NHLH1: variants seen among roughly 807,000 people sequenced by gnomAD.
NHLH1 encodes the protein helix-loop-helix protein 1.
NHLH1 carries 3 observed loss-of-function variants against 6.7 expected under a neutral mutation model. That is an observed-to-expected ratio of 0.44 (90% CI 0.20 to 1.15). NHLH1 has a LOEUF of 1.15. Among genes scored for constraint, NHLH1 ranks in the 50% most tolerant of loss-of-function variants. NHLH1 has a pLI of 0.26. For missense variants in NHLH1, 177 were observed against 189.5 expected (o/e 0.93, Z 0.39); for synonymous variants, 92 against 84.2 (o/e 1.09, Z -0.51).
In NHLH1 at chr1:160,372,010, G is replaced by T; in HGVS notation, c.*877G>T. 6.0e-6 allele frequency: 1 copy of T among 167,038 alleles called. No homozygotes were observed. The allele number at this position is 167,038 out of a possible 1,614,324, so 10.3% of individuals were successfully genotyped here. A position where few individuals can be genotyped will look rare whatever the true frequency, so the allele number is the denominator to read the frequency against. ...ATCTCACTTCTGCTTCCTCATCTCAGCCCACTCTGAAAATGTGCAGCACCC... is the reference window on the plus strand; with the variant it reads ...ATCTCACTTCTGCTTCCTCATCTCATCCCACTCTGAAAATGTGCAGCACCC... On this transcript the variant is annotated 3_prime_UTR_variant, in exon 2 of 2. Transcript: ENST00000302101.
rs766485648 is a variant in NHLH1 at position 160,371,040 on chromosome 1, T to A, written c.309T>A (p.Pro103=). ...LAFAELRKLL[P]TLPPDKKLSK... ...TCGCCGAGCTGCGCAAGCTGCTGCCTACGCTGCCCCCCGACAAGAAGCTCT... is the reference window on the plus strand; with the variant it reads ...TCGCCGAGCTGCGCAAGCTGCTGCCAACGCTGCCCCCCGACAAGAAGCTCT... The change falls in exon 2 of 2, where the codon CCT becomes CCA. Residue 103 remains proline, a synonymous_variant. Coordinates refer to ENST00000302101, the MANE Select transcript of NHLH1 (RefSeq NM_005598.4). The A allele has an allele frequency of 1.9e-6, 3 of 1,614,068 alleles. No homozygotes were observed. Among genetic ancestry groups the A allele is most frequent in the Non-Finnish European group, 1.7e-6 (2 of 1,179,982 alleles).
At position 160,371,310 on chromosome 1, in the gene NHLH1, G is replaced by A. The variant is rs1649621244; in HGVS notation, c.*177G>A. ...GGGCCTCTTCCTTTCTCTGACCCAG[G>A]CACCTCGAGGGCTATTCTCCTGGGT... On this transcript the variant is annotated 3_prime_UTR_variant, in exon 2 of 2. Transcript: ENST00000302101. 6.1e-6 allele frequency: 6 copies of A among 989,466 alleles called. No homozygotes were observed. The highest frequency in any genetic ancestry group is 2.9e-5 in the East Asian group (1 of 34,040). The allele number at this position is 989,466 out of a possible 1,614,324, so 61.3% of individuals were successfully genotyped here.
chr1:160,372,707 C>T lies in NHLH1; in HGVS notation c.*1574C>T, dbSNP rs1649657588. On this transcript the variant is annotated 3_prime_UTR_variant, in exon 2 of 2. Coordinates refer to ENST00000302101, the MANE Select transcript of NHLH1 (RefSeq NM_005598.4). ...CTGCCTCTTTTCTCTCCCCAGCCTG[C>T]CCTGTGACCCTTGCCTCTTCCTGAT... The T allele has an allele frequency of 6.0e-6, 1 of 167,198 alleles. No individual in the cohort carries two copies. The highest frequency in any genetic ancestry group is 1.5e-5 in the Non-Finnish European group (1 of 68,222). 10.4% of individuals were successfully genotyped at this position (167,198 alleles called of 1,614,324 possible).
chr1:160,370,216 CTA>C (rs1649590859), intron 1 of NHLH1, among the ~76,000 whole-genome samples: 1 of 152,158 alleles, frequency 6.6e-6, no homozygotes, highest in South Asian at 2.1e-4. Context: ...AGGTCTCTCC[CTA>C]TGTTTTCTTC....
Position 160,371,289 on chromosome 1 carries a change from C to T in NHLH1, c.*156C>T. On this transcript the variant is annotated 3_prime_UTR_variant, in exon 2 of 2. Coordinates refer to ENST00000302101, the MANE Select transcript of NHLH1 (RefSeq NM_005598.4). ...GAGCCCACCGGCTGGTCATGAGGGC[C>T]TCTTCCTTTCTCTGACCCAGGCACC... The T allele has an allele frequency of 2.5e-6, 3 of 1,193,096 alleles. No individual in the cohort carries two copies. Among genetic ancestry groups the T allele is most frequent in the Non-Finnish European group, 3.4e-6 (3 of 879,318 alleles). 73.9% of individuals were successfully genotyped at this position (1,193,096 alleles called of 1,614,324 possible).
At position 160,371,309 on chromosome 1, in the gene NHLH1, G is replaced by A. The variant is rs1649621199; in HGVS notation, c.*176G>A. On this transcript the variant is annotated 3_prime_UTR_variant, in exon 2 of 2. Coordinates refer to ENST00000302101, the MANE Select transcript of NHLH1 (RefSeq NM_005598.4). The stretch of plus-strand genomic sequence containing the variant: ...AGGGCCTCTTCCTTTCTCTGACCCA[G>A]GCACCTCGAGGGCTATTCTCCTGGG... 1.0e-6 allele frequency: 1 copy of A among 985,472 alleles called. No individual in the cohort carries two copies. The highest frequency in any genetic ancestry group is 1.4e-6 in the Non-Finnish European group (1 of 693,990). The allele number at this position is 985,472 out of a possible 1,614,324, so 61.0% of individuals were successfully genotyped here.
In NHLH1 at chr1:160,370,986, C is replaced by T; in HGVS notation, c.255C>T (p.Arg85=). The T allele has an allele frequency of 6.2e-7, 1 of 1,613,832 alleles. No homozygotes were observed. The highest frequency in any genetic ancestry group is 2.2e-5 in the East Asian group (1 of 44,868). ...GCACGGCCCACGCCACGCGAGAACGCATCCGCGTGGAAGCCTTCAACCTGG... is the reference window on the plus strand; with the variant it reads ...GCACGGCCCACGCCACGCGAGAACGTATCCGCGTGGAAGCCTTCAACCTGG... ...KYRTAHATRE[R]IRVEAFNLAF... The change falls in exon 2 of 2, where the codon CGC becomes CGT. Residue 85 remains arginine (R), a synonymous_variant. Coordinates refer to ENST00000302101, the MANE Select transcript of NHLH1 (RefSeq NM_005598.4).
chr1:160,368,556 G>A lies in NHLH1; in HGVS notation c.-176+1219G>A, dbSNP rs533758365. 2.2e-4 allele frequency among the ~76,000 whole-genome samples: 33 copies of A among 152,286 alleles called. No individual in the cohort carries two copies. The East Asian group carries it at 5.4e-3, about 25-fold the overall frequency. ...GGGAATGGCAAGGGCTGAAAATTTCGAAGACAGAGGTGGAGGAAGAGGCTG... is the reference window on the plus strand; with the variant it reads ...GGGAATGGCAAGGGCTGAAAATTTCAAAGACAGAGGTGGAGGAAGAGGCTG... On this transcript the variant is annotated intron_variant, in intron 1 of 1. Coordinates refer to ENST00000302101, the MANE Select transcript of NHLH1 (RefSeq NM_005598.4).
In NHLH1 at chr1:160,372,361, C is replaced by CTATT. The variant is rs1308630183; in HGVS notation, c.*1235_*1238dup. The CTATT allele has an allele frequency of 1.4e-5, 2 of 145,968 alleles. No individual in the cohort carries two copies. Among genetic ancestry groups the CTATT allele is most frequent in the African/African-American group, 3.3e-5 (1 of 30,014 alleles). The allele number at this position is 145,968 out of a possible 1,614,324, so 9.0% of individuals were successfully genotyped here. On this transcript the variant is annotated 3_prime_UTR_variant, in exon 2 of 2. Coordinates refer to ENST00000302101, the MANE Select transcript of NHLH1 (RefSeq NM_005598.4). ...TTTATTTATTTATTTATTTATTCAT[C>CTATT]TATTTATTTACTTATTTATTTATTT...
chr1:160,367,076 T>C lies in NHLH1; in HGVS notation c.-437T>C, dbSNP rs1418776391. 6.6e-6 allele frequency: 1 copy of C among 152,660 alleles called. No homozygotes were observed. The highest frequency in any genetic ancestry group is 1.5e-5 in the Non-Finnish European group (1 of 68,516). 9.5% of individuals were successfully genotyped at this position (152,660 alleles called of 1,614,324 possible). A position where few individuals can be genotyped will look rare whatever the true frequency, so the allele number is the denominator to read the frequency against. On this transcript the variant is annotated 5_prime_UTR_variant, in exon 1 of 2. Coordinates refer to ENST00000302101, the MANE Select transcript of NHLH1 (RefSeq NM_005598.4). ...AGGGCTGGGCCAGCTCAGGTGTGTG[T>C]GTCTGAGGGTGTGTGTGTGAGTGTG...
chr1:160,369,651 A>G (rs1649580353), intron 1 of NHLH1, among the ~76,000 whole-genome samples: 1 of 152,056 alleles, frequency 6.6e-6, no homozygotes, highest in South Asian at 2.1e-4. Context: ...ATGAAGTGAT[A>G]TTTCATAGTG....
chr1:160,370,201 C>T (rs1313517431), intron 1 of NHLH1, among the ~76,000 whole-genome samples: 1 of 152,172 alleles, frequency 6.6e-6, no homozygotes, highest in Non-Finnish European at 1.5e-5. Context: ...AGTCCAACAT[C>T]ATGAAGGTCT....
At chr1:160,369,242 G>A (rs1393740590) in intron 1 of NHLH1, among the ~76,000 whole-genome samples, 2 of 152,136 alleles carry the variant, frequency 1.3e-5, no homozygotes, top group Non-Finnish European at 2.9e-5. Flanking sequence ...ATATCCTCAA[G>A]GTTCATTCAT....
At chr1:160,369,107 C>T (rs1345843877) in intron 1 of NHLH1, among the ~76,000 whole-genome samples, 2 of 152,200 alleles carry the variant, frequency 1.3e-5, no homozygotes, top group African/African-American at 2.4e-5. Flanking sequence ...CCTTTACCCC[C>T]TCCCTCCAGC....
At chr1:160,368,163 C>CA (rs981502013) in intron 1 of NHLH1, among the ~76,000 whole-genome samples, 2 of 152,154 alleles carry the variant, frequency 1.3e-5, no homozygotes, top group African/African-American at 4.8e-5. Context: ...GAGTATCTAT[C>CA]AGACAGGAAA....
chr1:160,371,269 C>A lies in NHLH1; in HGVS notation c.*136C>A. The A allele has an allele frequency of 3.6e-6, 5 of 1,392,804 alleles. No homozygotes were observed. The South Asian group carries it at 7.7e-5, about 22-fold the overall frequency. 86.3% of individuals were successfully genotyped at this position (1,392,804 alleles called of 1,614,324 possible). ...AGGCCCTGGGCACAGGCAGAGAGCCCACCGGCTGGTCATGAGGGCCTCTTC... is the reference window on the plus strand; with the variant it reads ...AGGCCCTGGGCACAGGCAGAGAGCCAACCGGCTGGTCATGAGGGCCTCTTC... On this transcript the variant is annotated 3_prime_UTR_variant, in exon 2 of 2. Coordinates refer to ENST00000302101, the MANE Select transcript of NHLH1 (RefSeq NM_005598.4).
In NHLH1 at chr1:160,370,464, C is replaced by T. The variant is rs111599833; in HGVS notation, c.-175-93C>T. On this transcript the variant is annotated intron_variant, in intron 1 of 1. Transcript: ENST00000302101. Reference sequence around the variant, plus strand: ...TTCCCTCACATTCACAGTTCCTTACCCCTCCCAGCCCATCTCAAACCTGCT... The same window carrying T: ...TTCCCTCACATTCACAGTTCCTTACTCCTCCCAGCCCATCTCAAACCTGCT... 586 of 311,976 alleles carry T rather than the reference C, an allele frequency of 1.9e-3. 4 individuals carry two copies. Among genetic ancestry groups the T allele is most frequent in the African/African-American group, 0.013 (538 of 42,508 alleles). 19.3% of individuals were successfully genotyped at this position (311,976 alleles called of 1,614,324 possible). A position where few individuals can be genotyped will look rare whatever the true frequency, so the allele number is the denominator to read the frequency against.
At chr1:160,367,527 G>A (rs1649515339) in intron 1 of NHLH1, among the ~76,000 whole-genome samples, 190 bp downstream of exon 1, 1 of 152,158 alleles carries the variant, frequency 6.6e-6, no homozygotes, top group Non-Finnish European at 1.5e-5. Context: ...GGTTAGGGCT[G>A]GCAGAAGTGG....
In NHLH1 at chr1:160,368,215, A is replaced by G. The variant is rs539594887; in HGVS notation, c.-176+878A>G. Among the ~76,000 whole-genome samples the G allele has an allele frequency of 5.9e-5, 9 of 152,284 alleles. No homozygotes were observed. In the East Asian group the frequency reaches 1.7e-3, roughly 29 times the overall value. ...AAGGGGAGATAGTGATGGTGCAGGC[A>G]CCTTGGTGCTTCTGTTTCTAATCAT... On this transcript the variant is annotated intron_variant, in intron 1 of 1. Coordinates refer to ENST00000302101, the MANE Select transcript of NHLH1 (RefSeq NM_005598.4).
Sources: gnomAD v4.1 joint callset for allele counts (sites outside exome capture counted in the v4.1 genomes callset) on GRCh38, gnomAD v4.1.1 for gene constraint, MANE v1.5 for transcripts, NCBI Gene and HGNC (gene_info 2026-07-23, HGNC 2026-07-21) for gene names.